Variants in RIMS1 observed in about 807,000 individuals in gnomAD.
RIMS1 encodes the protein regulating synaptic membrane exocytosis protein 1.
In RIMS1, 83 loss-of-function variants were observed where a neutral mutation model predicts 214.1. The observed-to-expected ratio is 0.39, with a 90% CI of 0.32 to 0.47. The LOEUF (loss-of-function observed/expected upper bound fraction) is 0.47. Ranked by LOEUF, RIMS1 falls within the 20% of genes least tolerant of loss-of-function variation. The probability of loss-of-function intolerance (pLI) is 0.99; values close to 1 mark genes in which losing one functional copy is unlikely to be tolerated. For synonymous variants in RIMS1, 793 were observed against 786.8 expected, an observed-to-expected ratio of 1.01 and a Z score of -0.13; for missense variants, 2,050 against 2,161.8, an observed-to-expected ratio of 0.95 and a Z score of 1.03.
At chr6:72,046,094 T>C (rs902886525) in intron 2 of RIMS1, among the ~76,000 whole-genome samples, 4 of 152,082 alleles carry the variant, frequency 2.6e-5, no homozygotes, top group African/African-American at 9.7e-5. Context: ...CACAGATAAG[T>C]GGTTTAATAA....
At position 72,265,384 on chromosome 6, in the gene RIMS1, G is replaced by T. The variant is rs780659689; in HGVS notation, c.3195-6G>T. ...TTTTATTTTTGTGTAATTTTAATTT[G>T]TGGAGCTCAATTCTGCCTGCACATA... On this transcript the variant is annotated splice_region_variant and splice_polypyrimidine_tract_variant and intron_variant, in intron 20 of 33. Coordinates refer to ENST00000521978, the MANE Select transcript of RIMS1 (RefSeq NM_014989.7). 5 of 1,458,002 alleles carry T rather than the reference G, an allele frequency of 3.4e-6. No individual in the cohort carries two copies. Among genetic ancestry groups the T allele is most frequent in the Non-Finnish European group, 4.8e-6 (5 of 1,052,016 alleles). The allele number at this position is 1,458,002 out of a possible 1,614,324, so 90.3% of individuals were successfully genotyped here.
chr6:72,390,601 C>G lies in RIMS1; in HGVS notation c.4370C>G (p.Ser1457Trp), dbSNP rs770684710. 6.2e-7 allele frequency: 1 copy of G among 1,611,504 alleles called. No individual in the cohort carries two copies. The highest frequency in any genetic ancestry group is 8.5e-7 in the Non-Finnish European group (1 of 1,178,586). Residue 1457 changes from serine to tryptophan, a missense_variant, in exon 30 of 34, where the codon TCG (serine) becomes TGG (tryptophan). Physicochemically the swap from Ser to Trp is radical, Grantham distance 177. Transcript: ENST00000521978. ...TTCTTTTACTCTCTCCTGTCAGAGT[C>G]GGGCCACAAAAAGTTAAAAAGTACC... ...RSTSQLSQTE[S>W]GHKKLKSTIQ... is the part of the protein sequence containing the mutation.
chr6:72,092,381 G>T lies in RIMS1; in HGVS notation c.246-4568G>T, dbSNP rs191766388. Among the ~76,000 whole-genome samples, 5 of 150,896 alleles carry T rather than the reference G, an allele frequency of 3.3e-5. No individual in the cohort carries two copies. In the East Asian group the frequency reaches 9.8e-4, roughly 30 times the overall value. On this transcript the variant is annotated intron_variant, in intron 2 of 33. Coordinates refer to ENST00000521978, the MANE Select transcript of RIMS1 (RefSeq NM_014989.7). The stretch of plus-strand genomic sequence containing the variant: ...GAAATAAGTTGGAGAAGTTGACAGG[G>T]ACCTGAGTTGGACTTTTTCTTCCAG...
chr6:71,950,001 A>G (rs1390818427), intron 1 of RIMS1, among the ~76,000 whole-genome samples: 1 of 152,208 alleles, frequency 6.6e-6, no homozygotes, highest in Non-Finnish European at 1.5e-5. Context: ...AGTCATGGTA[A>G]ATCCATAAGG....
At chr6:72,123,338 A>G (rs1382843604) in intron 4 of RIMS1, among the ~76,000 whole-genome samples, 2 of 151,800 alleles carry the variant, frequency 1.3e-5, no homozygotes, top group Middle Eastern at 3.2e-3. Context: ...CCTGAGAGAC[A>G]GTTTGTTGTG....
At chr6:72,166,607 G>A (rs1463590850) in intron 4 of RIMS1, among the ~76,000 whole-genome samples, 2 of 151,930 alleles carry the variant, frequency 1.3e-5, no homozygotes, top group African/African-American at 2.4e-5. Flanking sequence ...AGAGCATAGT[G>A]GCTCACACCT....
chr6:72,078,477 T>C (rs776151984), intron 2 of RIMS1, among the ~76,000 whole-genome samples: 1 of 152,172 alleles, frequency 6.6e-6, no homozygotes, highest in Non-Finnish European at 1.5e-5. Flanking sequence ...AAATATTTTC[T>C]TGTTATATTG....
intron 6 of RIMS1, among the ~76,000 whole-genome samples, chr6:72,221,600 A>G (rs1240049555): frequency 6.6e-6 from 1 of 151,992 alleles, no homozygotes; most frequent in African/African-American, 2.4e-5. Context: ...TATAAGCTAA[A>G]TGCTACTTAT....
chr6:71,938,849 C>T (rs1234589350), intron 1 of RIMS1, among the ~76,000 whole-genome samples: 1 of 152,212 alleles, frequency 6.6e-6, no homozygotes, highest in Non-Finnish European at 1.5e-5. Context: ...GTCCTTTGAT[C>T]ACACCCTCGG....
chr6:71,894,138 C>T (rs1273550890), intron 1 of RIMS1, among the ~76,000 whole-genome samples: 2 of 152,146 alleles, frequency 1.3e-5, no homozygotes, highest in African/African-American at 4.8e-5. Context: ...ATGGAGAACA[C>T]TTTTTCTGAG....
chr6:72,179,152 C>T (rs2048114233), intron 4 of RIMS1, among the ~76,000 whole-genome samples: 1 of 152,084 alleles, frequency 6.6e-6, no homozygotes, highest in Admixed American at 6.5e-5. Context: ...CTTGCAAGTA[C>T]TGAGGTTTAT....
chr6:71,920,631 C>T (rs1779695875), intron 1 of RIMS1, among the ~76,000 whole-genome samples: 1 of 152,086 alleles, frequency 6.6e-6, no homozygotes, highest in African/African-American at 2.4e-5. Flanking sequence ...TGTTTTTATA[C>T]AAATGAGGTA....
chr6:72,111,186 A>C (rs2036010276), intron 4 of RIMS1, among the ~76,000 whole-genome samples: 3 of 152,160 alleles, frequency 2.0e-5, no homozygotes, highest in South Asian at 4.1e-4. Flanking sequence ...ATCTGTAGGC[A>C]TGTCTTTCTT....
chr6:72,294,031 A>C (rs1443389570), intron 26 of RIMS1, among the ~76,000 whole-genome samples: 1 of 151,590 alleles, frequency 6.6e-6, no homozygotes, highest in Non-Finnish European at 1.5e-5. Context: ...TATTTTATAT[A>C]TCTATATATA....
At chr6:72,091,082 C>T (rs1253427876) in intron 2 of RIMS1, among the ~76,000 whole-genome samples, 1 of 152,222 alleles carries the variant, frequency 6.6e-6, no homozygotes, top group Non-Finnish European at 1.5e-5. Flanking sequence ...TTTTCAGCAC[C>T]TATGCCCTTC....
At chr6:72,340,202 T>C (rs1415029482) in intron 29 of RIMS1, among the ~76,000 whole-genome samples, 2 of 152,036 alleles carry the variant, frequency 1.3e-5, no homozygotes, top group African/African-American at 2.4e-5. Context: ...GTCAGATGAG[T>C]AGGTTGCAAA....
At chr6:72,394,245 C>T (rs1018557392) in intron 31 of RIMS1, among the ~76,000 whole-genome samples, 7 of 151,942 alleles carry the variant, frequency 4.6e-5, no homozygotes, top group Non-Finnish European at 1.0e-4. Context: ...CCAGGAGAAA[C>T]TAAGATTTGA....
At chr6:72,225,481 G>C (rs1407062162) in intron 6 of RIMS1, among the ~76,000 whole-genome samples, 1 of 152,030 alleles carries the variant, frequency 6.6e-6, no homozygotes, top group Non-Finnish European at 1.5e-5. Context: ...GTATTGCCTG[G>C]GTCTGGATAA....
intron 29 of RIMS1, among the ~76,000 whole-genome samples, chr6:72,377,912 G>A (rs906771025): frequency 6.6e-6 from 1 of 152,016 alleles, no homozygotes; most frequent in Admixed American, 6.5e-5. Flanking sequence ...CTCAGTAATG[G>A]TCGTGTAAGT....
Sources: gnomAD v4.1 joint callset for allele counts (sites outside exome capture counted in the v4.1 genomes callset) on GRCh38, gnomAD v4.1.1 for gene constraint, MANE v1.5 for transcripts, NCBI Gene and HGNC (gene_info 2026-07-23, HGNC 2026-07-21) for gene names.